The following PALLD variants were observed in gnomAD, a reference collection of about 807,000 sequenced individuals.
The protein encoded by PALLD is palladin.
PALLD carries 61 observed loss-of-function variants against 123.5 expected under a neutral mutation model. The observed-to-expected ratio is 0.49, with a 90% confidence interval of 0.40 to 0.61. PALLD has a LOEUF of 0.61. PALLD is among the 20% of genes least tolerant of loss of function. The probability of loss-of-function intolerance (pLI) is 0.00; values close to 1 mark genes in which losing one functional copy is unlikely to be tolerated. For synonymous variants in PALLD, 465 were observed against 496.4 expected, an observed-to-expected ratio of 0.94 and a Z score of 0.84; for missense variants, 1,273 against 1,377.0, an observed-to-expected ratio of 0.92 and a Z score of 1.20.
intron 10 of PALLD, among the ~76,000 whole-genome samples, chr4:168,750,963 A>T (rs1431904255): frequency 4.0e-5 from 6 of 151,638 alleles, no homozygotes; most frequent in Admixed American, 3.9e-4. Flanking sequence ...TGTTACATTC[A>T]TGAGATCACA....
In PALLD at chr4:168,927,420, A is replaced by C. The variant is rs539964745; in HGVS notation, c.*1240A>C. On this transcript the variant is annotated 3_prime_UTR_variant, in exon 22 of 22. Coordinates refer to ENST00000505667, the MANE Select transcript of PALLD (RefSeq NM_001166108.2). The stretch of plus-strand genomic sequence containing the variant: ...ATGCTGTGGAGCACACATGCTGTGG[A>C]GATTGCAGTGTGTCTGAGGTTTGTG... 2 of 232,726 alleles carry C rather than the reference A, an allele frequency of 8.6e-6. No individual in the cohort carries two copies. The highest frequency in any genetic ancestry group is 1.7e-5 in the Non-Finnish European group (2 of 117,740). The allele number at this position is 232,726 out of a possible 1,614,324, so 14.4% of individuals were successfully genotyped here.
intron 2 of PALLD, among the ~76,000 whole-genome samples, chr4:168,543,521 T>C (rs1210553122): frequency 6.6e-6 from 1 of 151,522 alleles, no homozygotes; most frequent in Non-Finnish European, 1.5e-5. Flanking sequence ...ACCTCCATAA[T>C]GGTGTAGATG....
At chr4:168,532,590 TTAGAA>T (rs1393938595) in intron 2 of PALLD, among the ~76,000 whole-genome samples, 1 of 152,096 alleles carries the variant, frequency 6.6e-6, no homozygotes, top group Non-Finnish European at 1.5e-5. Flanking sequence ...TATAATAAAA[TTAGAA>T]TAGAATTACG....
chr4:168,499,354 G>A (rs1311804508), intron 1 of PALLD, among the ~76,000 whole-genome samples: 2 of 104,602 alleles, frequency 1.9e-5, no homozygotes, highest in African/African-American at 7.5e-5. Context: ...AGAAGGGAGG[G>A]AGGGGGGAGG....
intron 2 of PALLD, among the ~76,000 whole-genome samples, chr4:168,658,352 A>G (rs1285945569): frequency 6.9e-6 from 1 of 145,550 alleles, no homozygotes; most frequent in African/African-American, 2.6e-5. Flanking sequence ...TGGCACAATC[A>G]TAGCTCACTG....
intron 10 of PALLD, among the ~76,000 whole-genome samples, chr4:168,725,628 G>A (rs1252603202): frequency 1.4e-5 from 2 of 140,844 alleles, no homozygotes; most frequent in African/African-American, 2.6e-5. Context: ...CCGGGTTCAC[G>A]CCATTCTCCT....
chr4:168,642,945 G>A (rs915521960), intron 2 of PALLD, among the ~76,000 whole-genome samples: 1 of 152,246 alleles, frequency 6.6e-6, no homozygotes, highest in Non-Finnish European at 1.5e-5. Flanking sequence ...AGACGTGAAA[G>A]CTCTTTGAGA....
chr4:168,759,859 G>A (rs1024631572), intron 10 of PALLD, among the ~76,000 whole-genome samples: 2 of 152,052 alleles, frequency 1.3e-5, no homozygotes, highest in Non-Finnish European at 2.9e-5. Flanking sequence ...TTCGAGATCA[G>A]CCTGGCCAAC....
intron 10 of PALLD, among the ~76,000 whole-genome samples, chr4:168,806,121 G>T (rs1044731457): frequency 6.6e-6 from 1 of 152,198 alleles, no homozygotes; most frequent in African/African-American, 2.4e-5. Flanking sequence ...GGAATGCAAT[G>T]GTGCAATCTC....
chr4:168,888,604 A>G (rs1753693322), intron 10 of PALLD, among the ~76,000 whole-genome samples: 2 of 152,082 alleles, frequency 1.3e-5, no homozygotes, highest in Admixed American at 1.3e-4. Context: ...TTCTTTTCAG[A>G]GATGAGAGAA....
At position 168,724,623 on chromosome 4, in the gene PALLD, C is replaced by G. The variant is rs781444421; in HGVS notation, c.1964+12700C>G. On this transcript the variant is annotated intron_variant, in intron 10 of 21. Coordinates refer to ENST00000505667, the MANE Select transcript of PALLD (RefSeq NM_001166108.2). Reference sequence around the variant, plus strand: ...GAATGATGAACATATTAAATTGATTCTGTCAAATGTAGATTTTTCTAAAAT... The same window carrying G: ...GAATGATGAACATATTAAATTGATTGTGTCAAATGTAGATTTTTCTAAAAT... Among the ~76,000 whole-genome samples the G allele has an allele frequency of 3.3e-5, 5 of 152,190 alleles. No homozygotes were observed. In the South Asian group the frequency reaches 6.2e-4, roughly 19 times the overall value.
chr4:168,631,808 C>T lies in PALLD; in HGVS notation c.909-36382C>T, dbSNP rs566037974. The T allele has an allele frequency of 7.5e-5, 74 of 985,456 alleles. No homozygotes were observed. The African/African-American group carries it at 1.3e-3, about 17-fold the overall frequency. 61.0% of individuals were successfully genotyped at this position (985,456 alleles called of 1,614,324 possible). On this transcript the variant is annotated intron_variant, in intron 2 of 21. Transcript: ENST00000505667. Reference sequence around the variant, plus strand: ...TGCAAACGAGATCGCATTCAGAGCCCAGAAGTTGCAAGCTGGGAATAAGCG... The same window carrying T: ...TGCAAACGAGATCGCATTCAGAGCCTAGAAGTTGCAAGCTGGGAATAAGCG...
intron 2 of PALLD, among the ~76,000 whole-genome samples, chr4:168,528,849 G>A (rs559888250): frequency 1.2e-4 from 19 of 152,194 alleles, no homozygotes; most frequent in African/African-American, 3.6e-4. Flanking sequence ...GGAACTCTTA[G>A]GCATTTTTTT....
Position 168,546,272 on chromosome 4 carries a change from G to C in PALLD, c.908+33860G>C, listed in dbSNP as rs141513455. The stretch of plus-strand genomic sequence containing the variant: ...AAGATCAGAGTGCTCAGAACATATC[G>C]GAAGCCAGTAAAAAATTCCAACGCC... On this transcript the variant is annotated intron_variant, in intron 2 of 21. Transcript: ENST00000505667. Among the ~76,000 whole-genome samples, 923 of 151,888 alleles carry C rather than the reference G, an allele frequency of 6.1e-3. 5 individuals carry two copies. The highest frequency in any genetic ancestry group is 0.014 in the Middle Eastern group (4 of 294).
intron 2 of PALLD, among the ~76,000 whole-genome samples, chr4:168,563,378 T>G (rs1768054657): frequency 6.6e-6 from 1 of 152,228 alleles, no homozygotes; most frequent in African/African-American, 2.4e-5. Context: ...TTCTCTATCA[T>G]TTAAAGACAC....
In PALLD at chr4:168,877,905, C is replaced by T. The variant is rs1751992534; in HGVS notation, c.1965-13017C>T. The T allele has an allele frequency of 1.4e-6, 2 of 1,477,088 alleles. No homozygotes were observed. Among genetic ancestry groups the T allele is most frequent in the East Asian group, 5.9e-5 (2 of 33,630 alleles). The allele number at this position is 1,477,088 out of a possible 1,614,324, so 91.5% of individuals were successfully genotyped here. A position where few individuals can be genotyped will look rare whatever the true frequency, so the allele number is the denominator to read the frequency against. ...TCCCCGGAGCCCATGAGCGCGCTGG[C>T]CTCCCGCTCCGCCCCCGCCATGCAG... On this transcript the variant is annotated intron_variant, in intron 10 of 21. Transcript: ENST00000505667.
intron 2 of PALLD, among the ~76,000 whole-genome samples, chr4:168,667,049 C>T (rs1435698408): frequency 6.6e-6 from 1 of 152,166 alleles, no homozygotes; most frequent in East Asian, 1.9e-4. Context: ...CTTATCTCTT[C>T]TTTGGTGGGA....
chr4:168,830,231 CAAAAA>C (rs1156711141), intron 10 of PALLD, among the ~76,000 whole-genome samples: 2 of 73,234 alleles, frequency 2.7e-5, no homozygotes, highest in African/African-American at 5.1e-5. Flanking sequence ...GACTTTGTCT[CAAAAA>C]AAAAAAAAAA....
At chr4:168,639,721 T>G (rs1354896340) in intron 2 of PALLD, among the ~76,000 whole-genome samples, 2 of 110,744 alleles carry the variant, frequency 1.8e-5, no homozygotes, top group Non-Finnish European at 4.0e-5. Context: ...TTTTTTGTAT[T>G]TTTTAGTAGA....
Sources: gnomAD v4.1 joint callset for allele counts (sites outside exome capture counted in the v4.1 genomes callset) on GRCh38, gnomAD v4.1.1 for gene constraint, MANE v1.5 for transcripts, NCBI Gene and HGNC (gene_info 2026-07-23, HGNC 2026-07-21) for gene names.